AKAP6: variants seen among roughly 807,000 people sequenced by gnomAD.
AKAP6 encodes the protein A-kinase anchor protein 6.
In AKAP6, 58 loss-of-function variants were observed where a neutral mutation model predicts 188.5. The ratio of observed to expected loss-of-function variants is 0.31; its 90% CI spans 0.25 to 0.38. AKAP6 has a LOEUF of 0.38. Ranked by LOEUF, AKAP6 falls within the 10% of genes least tolerant of loss-of-function variation. AKAP6 has a pLI of 1.00. For missense variants in AKAP6, 2,710 were observed against 2,740.0 expected, an observed-to-expected ratio of 0.99 and a Z score of 0.24; for synonymous variants, 989 against 998.6, an observed-to-expected ratio of 0.99 and a Z score of 0.18.
At chr14:32,521,639 A>G (rs1406395874) in intron 2 of AKAP6, among the ~76,000 whole-genome samples, 2 of 152,242 alleles carry the variant, frequency 1.3e-5, no homozygotes, top group African/African-American at 4.8e-5. Flanking sequence ...AGGGATGTGA[A>G]GGACCTCTTC....
chr14:32,477,134 A>G (rs762999562), intron 2 of AKAP6, among the ~76,000 whole-genome samples: 1 of 152,188 alleles, frequency 6.6e-6, no homozygotes, highest in Non-Finnish European at 1.5e-5. Flanking sequence ...TTCAGTCCTC[A>G]GTTCCCTTTT....
intron 8 of AKAP6, among the ~76,000 whole-genome samples, chr14:32,685,315 T>C (rs1449414295): frequency 3.3e-5 from 5 of 151,996 alleles, no homozygotes; most frequent in Non-Finnish European, 4.4e-5. Flanking sequence ...TACAGAGTGT[T>C]ATGGGAATAC....
At chr14:32,635,171 A>G (rs1425349891) in intron 7 of AKAP6, among the ~76,000 whole-genome samples, 1 of 152,076 alleles carries the variant, frequency 6.6e-6, no homozygotes, top group Non-Finnish European at 1.5e-5. Flanking sequence ...CAGATTGGAA[A>G]ATAAAATTAC....
intron 7 of AKAP6, among the ~76,000 whole-genome samples, chr14:32,602,542 C>T (rs768722548): frequency 7.2e-5 from 11 of 151,966 alleles, no homozygotes; most frequent in Non-Finnish European, 1.5e-4. Context: ...TGGTGACATG[C>T]GCCTATAATC....
chr14:32,690,942 T>C (rs1280969008), intron 8 of AKAP6, among the ~76,000 whole-genome samples: 1 of 152,224 alleles, frequency 6.6e-6, no homozygotes, highest in Non-Finnish European at 1.5e-5. Flanking sequence ...ATAGAGTATA[T>C]ATGAGTTTGC....
intron 7 of AKAP6, among the ~76,000 whole-genome samples, chr14:32,622,583 C>T (rs1028316040): frequency 3.3e-5 from 5 of 152,114 alleles, no homozygotes; most frequent in Admixed American, 6.6e-5. Flanking sequence ...CTCTCTCCCT[C>T]CCTCAAAGGG....
At chr14:32,574,502 T>C (rs979075386) in intron 4 of AKAP6, among the ~76,000 whole-genome samples, 1 of 152,168 alleles carries the variant, frequency 6.6e-6, no homozygotes, top group African/African-American at 2.4e-5. Context: ...AAGACTAACT[T>C]TTATGATGAA....
intron 7 of AKAP6, among the ~76,000 whole-genome samples, chr14:32,601,186 C>T (rs781144767): frequency 8.5e-5 from 13 of 152,142 alleles, no homozygotes; most frequent in Admixed American, 3.9e-4. Flanking sequence ...ATCCATTAGC[C>T]GCTTGGTTAC....
chr14:32,786,297 T>TGTTTTTTTTTTTTG (rs1566710091), intron 12 of AKAP6, among the ~76,000 whole-genome samples: 2 of 83,380 alleles, frequency 2.4e-5, no homozygotes, highest in Non-Finnish European at 4.6e-5. Flanking sequence ...TAAACCTTTA[T>TGTTTTTTTTTTTTG]CTTTTTTTTT....
At chr14:32,332,699 C>G (rs1316863412) in intron 1 of AKAP6, among the ~76,000 whole-genome samples, 1 of 152,046 alleles carries the variant, frequency 6.6e-6, no homozygotes, top group African/African-American at 2.4e-5. Context: ...AGGTTCTGTT[C>G]TCAACCTGGT....
At chr14:32,651,689 G>A (rs768207199) in intron 7 of AKAP6, among the ~76,000 whole-genome samples, 3 of 152,102 alleles carry the variant, frequency 2.0e-5, no homozygotes, top group Non-Finnish European at 4.4e-5. Context: ...ATATAAGAAT[G>A]CTAAGCCCTC....
chr14:32,357,270 A>G (rs1328041784), intron 1 of AKAP6, among the ~76,000 whole-genome samples: 1 of 152,194 alleles, frequency 6.6e-6, no homozygotes, highest in Non-Finnish European at 1.5e-5. Context: ...TTACCATGTA[A>G]CGTAATTGGA....
At chr14:32,798,961 C>T (rs1296001481) in intron 12 of AKAP6, among the ~76,000 whole-genome samples, 1 of 152,086 alleles carries the variant, frequency 6.6e-6, no homozygotes, top group Non-Finnish European at 1.5e-5. Flanking sequence ...TGAACAGCTG[C>T]TGCCACATAG....
At chr14:32,811,487 T>C (rs937369239) in intron 12 of AKAP6, among the ~76,000 whole-genome samples, 2 of 152,126 alleles carry the variant, frequency 1.3e-5, no homozygotes, top group African/African-American at 4.8e-5. Flanking sequence ...CAAGAGGCTC[T>C]CAATAAATAA....
intron 1 of AKAP6, among the ~76,000 whole-genome samples, chr14:32,349,431 G>A (rs547488248): frequency 1.8e-4 from 28 of 152,266 alleles, no homozygotes; most frequent in African/African-American, 5.1e-4. Flanking sequence ...GCAGACTTCC[G>A]GTCCAGAGGA....
chr14:32,486,800 C>T (rs1879718976), intron 2 of AKAP6, among the ~76,000 whole-genome samples: 3 of 152,192 alleles, frequency 2.0e-5, no homozygotes, highest in Non-Finnish European at 4.4e-5. Flanking sequence ...TATGTGAATA[C>T]TCTTTATTTC....
At chr14:32,379,118 A>T (rs1888258091) in intron 1 of AKAP6, among the ~76,000 whole-genome samples, 1 of 151,930 alleles carries the variant, frequency 6.6e-6, no homozygotes, top group African/African-American at 2.4e-5. Context: ...ACAGGGTTTC[A>T]CCATGTTGGC....
At chr14:32,764,720 A>ACG (rs758904203) in intron 11 of AKAP6, among the ~76,000 whole-genome samples, 34 of 131,100 alleles carry the variant, frequency 2.6e-4, no homozygotes, top group Non-Finnish European at 4.7e-4. Context: ...ACACACACGC[A>ACG]CACACACATA....
At chr14:32,430,283 T>A (rs1314817711) in intron 1 of AKAP6, among the ~76,000 whole-genome samples, 1 of 152,170 alleles carries the variant, frequency 6.6e-6, no homozygotes, top group Non-Finnish European at 1.5e-5. Context: ...TTCCGTTTTG[T>A]CATTTTACAG....
Sources: allele counts gnomAD v4.1 joint callset (sites outside exome capture counted in the v4.1 genomes callset), GRCh38; gene constraint gnomAD v4.1.1; transcripts MANE v1.5; gene names NCBI Gene and HGNC (gene_info 2026-07-23, HGNC 2026-07-21).